The following IL33 variants were observed in gnomAD, a reference collection of about 807,000 sequenced individuals.
IL33 encodes interleukin 33, also known as interleukin-33.
IL33 carries 37 observed loss-of-function variants against 27.3 expected under a neutral mutation model. That is an observed-to-expected ratio of 1.36 (90% CI 1.04 to 1.78). The LOEUF (loss-of-function observed/expected upper bound fraction) is 1.78, where lower values mean the gene tolerates loss of function less well. IL33 is among the 40% of genes most tolerant of loss of function. The probability of loss-of-function intolerance (pLI) is 0.00; values close to 1 mark genes in which losing one functional copy is unlikely to be tolerated. For synonymous variants in IL33, 132 were observed against 102.9 expected, an observed-to-expected ratio of 1.28 and a Z score of -1.71; for missense variants, 406 against 311.4, an observed-to-expected ratio of 1.30 and a Z score of -2.29.
chr9:6,215,182 A>G (rs1257338875), upstream of IL33, among the ~76,000 whole-genome samples: 3 of 152,210 alleles, frequency 2.0e-5, no homozygotes, highest in African/African-American at 7.2e-5. Flanking sequence ...GAGGGTGAGT[A>G]GGAGCAAAAT....
chr9:6,229,300 T>C lies in IL33; in HGVS notation c.-11-12384T>C, dbSNP rs1184931529. The stretch of plus-strand genomic sequence containing the variant: ...CAATCTACCTTTGCTTCTTCAAAGA[T>C]TACTACAGACTTGATCCACTGGGGC... On this transcript the variant is annotated intron_variant, in intron 1 of 7. Transcript: ENST00000682010. Among the ~76,000 whole-genome samples the C allele has an allele frequency of 2.6e-4, 40 of 152,268 alleles. 1 individual carries two copies. Among genetic ancestry groups the C allele is most frequent in the Non-Finnish European group, 2.9e-5 (2 of 68,014 alleles).
At chr9:6,248,528 A>G (rs1820011534) in intron 2 of IL33, among the ~76,000 whole-genome samples, 1 of 151,788 alleles carries the variant, frequency 6.6e-6, no homozygotes, top group Admixed American at 6.6e-5. Context: ...CCAGCATAAT[A>G]TTCTTGGATT....
At chr9:6,218,195 T>C (rs1025020762) in intron 1 of IL33, among the ~76,000 whole-genome samples, 1 of 152,214 alleles carries the variant, frequency 6.6e-6, no homozygotes. Flanking sequence ...CATTCTTCTC[T>C]GAAAGGATCC....
chr9:6,254,502 T>TCCTA lies in IL33; in HGVS notation c.563_566dup (p.Lys190TyrfsTer19). The TCCTA allele has an allele frequency of 6.3e-7, 1 of 1,598,464 alleles. No homozygotes were observed. The highest frequency in any genetic ancestry group is 8.5e-7 in the Non-Finnish European group (1 of 1,170,596). On this transcript the variant is annotated frameshift_variant, in exon 7 of 8. Coordinates refer to ENST00000682010, the MANE Select transcript of IL33 (RefSeq NM_033439.4). LOFTEE classifies it low-confidence loss of function (END_TRUNC). ...GTAAGATGTTAATGGTAACCCTGAGTCCTACAAAAGACTTCTGGTTGCATG... is the reference window on the plus strand; with the variant it reads ...GTAAGATGTTAATGGTAACCCTGAGTCCTACCTACAAAAGACTTCTGGTTGCATG...
chr9:6,229,377 T>C (rs1818816985), intron 1 of IL33, among the ~76,000 whole-genome samples: 5 of 152,184 alleles, frequency 3.3e-5, no homozygotes, highest in Admixed American at 3.3e-4. Flanking sequence ...ATAAAACAAC[T>C]TGTACTGAAT....
intron 1 of IL33, among the ~76,000 whole-genome samples, chr9:6,219,945 CA>C (rs1021217039): frequency 3.3e-5 from 5 of 152,180 alleles, no homozygotes; most frequent in Admixed American, 2.0e-4. Flanking sequence ...AACTAAAGAA[CA>C]ATTCCAAACT....
At chr9:6,234,709 G>C (rs969175817) in intron 1 of IL33, among the ~76,000 whole-genome samples, 10 of 151,900 alleles carry the variant, frequency 6.6e-5, no homozygotes, top group Admixed American at 1.3e-4. Flanking sequence ...ACTGCTTTTT[G>C]CCTGGGATAT....
chr9:6,240,579 G>T (rs965712692), intron 1 of IL33, among the ~76,000 whole-genome samples: 10 of 152,092 alleles, frequency 6.6e-5, no homozygotes, highest in African/African-American at 1.9e-4. Flanking sequence ...ATGGTATGAA[G>T]ATTTAAAAAT....
chr9:6,219,209 G>C (rs1351611891), intron 1 of IL33, among the ~76,000 whole-genome samples: 3 of 151,706 alleles, frequency 2.0e-5, no homozygotes, highest in East Asian at 1.9e-4. Flanking sequence ...AAAATGATTG[G>C]GTTGGGTTCA....
intron 1 of IL33, among the ~76,000 whole-genome samples, chr9:6,234,800 T>C (rs1819103416): frequency 1.3e-5 from 2 of 152,278 alleles, no homozygotes; most frequent in South Asian, 4.1e-4. Context: ...CACACAGACA[T>C]AAAATTATAT....
At chr9:6,240,631 A>G (rs901265591) in intron 1 of IL33, among the ~76,000 whole-genome samples, 2 of 152,224 alleles carry the variant, frequency 1.3e-5, no homozygotes, top group African/African-American at 2.4e-5. Context: ...TGGAGCTTGC[A>G]GGACTGGAAA....
At chr9:6,234,489 T>C (rs1441680645) in intron 1 of IL33, among the ~76,000 whole-genome samples, 3 of 152,232 alleles carry the variant, frequency 2.0e-5, no homozygotes, top group Non-Finnish European at 2.9e-5. Context: ...CGAGGAGGCA[T>C]TGTGGCAGAC....
chr9:6,250,273 G>T (rs944003176), intron 2 of IL33, among the ~76,000 whole-genome samples: 1 of 152,016 alleles, frequency 6.6e-6, no homozygotes, highest in African/African-American at 2.4e-5. Context: ...CTCTTCTGGG[G>T]TGCTACATAT....
intron 4 of IL33, among the ~76,000 whole-genome samples, chr9:6,252,096 C>CAA (rs1491355712): frequency 1.3e-5 from 1 of 75,470 alleles, no homozygotes; most frequent in African/African-American, 5.0e-5. Flanking sequence ...AACAAAAAAA[C>CAA]CAACTTTACC....
intron 1 of IL33, among the ~76,000 whole-genome samples, chr9:6,229,337 G>T (rs1001479269): frequency 6.6e-6 from 1 of 152,186 alleles, no homozygotes; most frequent in Non-Finnish European, 1.5e-5. Context: ...CTCAAAGTAT[G>T]TGAGGCATGG....
chr9:6,254,389 G>T (rs1816599317), intron 6 of IL33, 73 bp from the exon 7 acceptor site: 1 of 894,364 alleles, frequency 1.1e-6, no homozygotes, highest in East Asian at 2.7e-5. Flanking sequence ...CTTTTTTCCT[G>T]GGTGTTGAAT....
chr9:6,231,344 C>T (rs1423757706), intron 1 of IL33, among the ~76,000 whole-genome samples: 2 of 152,178 alleles, frequency 1.3e-5, no homozygotes, highest in Non-Finnish European at 2.9e-5. Flanking sequence ...ATGCTCTCCC[C>T]ATTGCCCGCT....
rs1819687837 is a variant in IL33 at position 6,244,051 on chromosome 9, A to G, written c.91+2266A>G. ...TTTGCATCCCTAAATTGCCTCTCAT[A>G]AAAAGTACATTTTCTTTGTACCTCA... is the stretch of plus-strand genomic sequence containing the variant. On this transcript the variant is annotated intron_variant, in intron 2 of 7. Coordinates refer to ENST00000682010, the MANE Select transcript of IL33 (RefSeq NM_033439.4). 3.9e-5 allele frequency among the ~76,000 whole-genome samples: 6 copies of G among 152,194 alleles called. No homozygotes were observed. The South Asian group carries it at 1.2e-3, about 32-fold the overall frequency.
chr9:6,253,530 G>A (rs1333165868), intron 5 of IL33, 22 bp from the exon 6 acceptor site: 1 of 1,578,802 alleles, frequency 6.3e-7, no homozygotes, highest in East Asian at 2.2e-5. Flanking sequence ...TCACCAGAGG[G>A]ATTTTATGCA....
Sources: allele counts gnomAD v4.1 joint callset (sites outside exome capture counted in the v4.1 genomes callset), GRCh38; gene constraint gnomAD v4.1.1; transcripts MANE v1.5; gene names NCBI Gene and HGNC (gene_info 2026-07-23, HGNC 2026-07-21).